TENM4: variants seen among roughly 807,000 people sequenced by gnomAD.
The protein encoded by TENM4 is teneurin-4.
Under a neutral mutation model 243.3 loss-of-function variants are expected in TENM4, and 82 were observed. The ratio of observed to expected loss-of-function variants is 0.34; its 90% CI spans 0.28 to 0.40. TENM4 has a LOEUF of 0.40. Ranked by LOEUF, TENM4 falls within the 10% of genes least tolerant of loss-of-function variation. TENM4 has a pLI of 1.00. For synonymous variants in TENM4, 1,412 were observed against 1,456.3 expected (o/e 0.97, Z 0.69); for missense variants, 3,138 against 3,673.3 (o/e 0.85, Z 3.77).
intron 1 of TENM4, among the ~76,000 whole-genome samples, chr11:79,383,992 C>T (rs1189706217): frequency 6.6e-6 from 1 of 152,116 alleles, no homozygotes; most frequent in African/African-American, 2.4e-5. Flanking sequence ...ATCAAGATAA[C>T]CTGCCCCCCC....
At chr11:78,825,444 C>T (rs1480031859) in intron 12 of TENM4, among the ~76,000 whole-genome samples, 1 of 152,128 alleles carries the variant, frequency 6.6e-6, no homozygotes, top group Non-Finnish European at 1.5e-5. Flanking sequence ...ATTGCTGGGC[C>T]CTACCCACCA....
At chr11:79,305,524 T>C (rs1017877833) in intron 1 of TENM4, among the ~76,000 whole-genome samples, 33 of 152,086 alleles carry the variant, frequency 2.2e-4, no homozygotes, top group African/African-American at 8.0e-4. Flanking sequence ...CAAGGGAGAC[T>C]CATGAGCACA....
intron 25 of TENM4, among the ~76,000 whole-genome samples, chr11:78,714,349 T>G (rs2135811854): frequency 6.6e-6 from 1 of 151,470 alleles, no homozygotes; most frequent in East Asian, 1.9e-4. Context: ...AAATGTCTCT[T>G]GCCTTGGACA....
At chr11:79,216,383 G>T (rs1195049740) in intron 2 of TENM4, among the ~76,000 whole-genome samples, 2 of 152,200 alleles carry the variant, frequency 1.3e-5, no homozygotes, top group African/African-American at 4.8e-5. Context: ...TAAGGTCTAG[G>T]GTTAGTGGCC....
chr11:79,012,471 T>C (rs1858671204), intron 6 of TENM4, among the ~76,000 whole-genome samples: 2 of 152,284 alleles, frequency 1.3e-5, no homozygotes, highest in Middle Eastern at 3.4e-3. Flanking sequence ...GTAATAACCC[T>C]GAGCCCAGGA....
intron 6 of TENM4, among the ~76,000 whole-genome samples, chr11:78,972,851 C>A (rs1857574916): frequency 6.6e-6 from 1 of 152,204 alleles, no homozygotes. Context: ...CAATTCCCTG[C>A]AGCCTAGGCA....
intron 15 of TENM4, among the ~76,000 whole-genome samples, chr11:78,788,945 C>G (rs536947062): frequency 3.3e-5 from 5 of 151,852 alleles, no homozygotes; most frequent in African/African-American, 1.2e-4. Flanking sequence ...TGAAAAGCAC[C>G]CCCTCCTCTG....
chr11:79,045,790 A>G (rs1859642166), intron 6 of TENM4, among the ~76,000 whole-genome samples: 1 of 151,694 alleles, frequency 6.6e-6, no homozygotes, highest in African/African-American at 2.4e-5. Context: ...GGGAAGAAAG[A>G]CTTCACCTTT....
intron 1 of TENM4, among the ~76,000 whole-genome samples, chr11:79,373,113 C>A (rs369770041): frequency 6.6e-6 from 1 of 152,054 alleles, no homozygotes; most frequent in South Asian, 2.1e-4. Context: ...GAAAAAGAAT[C>A]TTGTCTTTTT....
At chr11:79,114,696 A>G (rs1861582090) in intron 4 of TENM4, among the ~76,000 whole-genome samples, 1 of 152,164 alleles carries the variant, frequency 6.6e-6, no homozygotes, top group Non-Finnish European at 1.5e-5. Flanking sequence ...CCACATTTTT[A>G]TGTTACATAA....
At chr11:78,848,119 T>G (rs2511821) in intron 12 of TENM4, among the ~76,000 whole-genome samples, 1 of 151,166 alleles carries the variant, frequency 6.6e-6, no homozygotes, top group Non-Finnish European at 1.5e-5. Flanking sequence ...GAACAAGTCC[T>G]TTGTCCTTCC....
chr11:78,786,985 A>G lies in TENM4; in HGVS notation c.2278T>C (p.Cys760Arg). The G allele has an allele frequency of 6.3e-7, 1 of 1,581,736 alleles. No individual in the cohort carries two copies. The highest frequency in any genetic ancestry group is 8.6e-7 in the Non-Finnish European group (1 of 1,164,110). ...WMGAACDQRA[C>R]HPRCAEHGTC... ...CCATGCTCGGCACAGCGCGGGTGGC[A>G]GGCCCGCTGGTCGCAGGCTGCCCCC... Residue 760 changes from cysteine to arginine, a missense_variant, in exon 16 of 34, where the codon TGC becomes CGC. Cys to Arg is a radical substitution (Grantham distance 180). Around this residue, in one of 2 missense-constraint regions of TENM4, gnomAD observed 2,467 missense variants for 3,059.1 expected, o/e 0.81. Coordinates refer to ENST00000278550, the MANE Select transcript of TENM4 (RefSeq NM_001098816.3).
chr11:78,703,084 G>A (rs1365452535), intron 27 of TENM4, among the ~76,000 whole-genome samples: 2 of 152,156 alleles, frequency 1.3e-5, no homozygotes, highest in African/African-American at 4.8e-5. Flanking sequence ...TATCTGTGGC[G>A]ATTTTAGAAA....
chr11:78,862,122 TG>T lies in TENM4; in HGVS notation c.1255+839del, dbSNP rs1858836505. On this transcript the variant is annotated intron_variant, in intron 10 of 33. Coordinates refer to ENST00000278550, the MANE Select transcript of TENM4 (RefSeq NM_001098816.3). ...TTGATAGGAAATATCCATGTCTCATTGTACAATAGAATTTCACACCCACATC... is the reference window on the plus strand; with the variant it reads ...TTGATAGGAAATATCCATGTCTCATTTACAATAGAATTTCACACCCACATC... Among the ~76,000 whole-genome samples, 7 of 152,280 alleles carry T rather than the reference TG, an allele frequency of 4.6e-5. No homozygotes were observed. In the South Asian group the frequency reaches 1.5e-3, roughly 32 times the overall value.
intron 7 of TENM4, among the ~76,000 whole-genome samples, chr11:78,895,552 C>T (rs1477406746): frequency 6.6e-6 from 1 of 152,096 alleles, no homozygotes; most frequent in African/African-American, 2.4e-5. Flanking sequence ...CCCCTCAAAT[C>T]TCCTATCCAC....
At chr11:78,745,590 C>A (rs1360237623) in intron 19 of TENM4, among the ~76,000 whole-genome samples, 1 of 152,140 alleles carries the variant, frequency 6.6e-6, no homozygotes, top group East Asian at 1.9e-4. Context: ...TGTGCTGGTC[C>A]AGACATGTAA....
chr11:79,309,590 G>A (rs1462786633), intron 1 of TENM4, among the ~76,000 whole-genome samples: 1 of 152,226 alleles, frequency 6.6e-6, no homozygotes, highest in Non-Finnish European at 1.5e-5. Context: ...AACAGATGAA[G>A]AAGAAGCAGG....
chr11:79,078,133 C>T (rs539294439), intron 4 of TENM4, among the ~76,000 whole-genome samples: 2 of 152,168 alleles, frequency 1.3e-5, no homozygotes, highest in African/African-American at 4.8e-5. Context: ...CCAAAACCCG[C>T]AGGGAAATGG....
At chr11:78,934,997 CTTTTTTTTTT>C (rs530062569) in intron 6 of TENM4, among the ~76,000 whole-genome samples, 6 of 81,108 alleles carry the variant, frequency 7.4e-5, no homozygotes, top group East Asian at 5.0e-4. Flanking sequence ...AAGTATGCAA[CTTTTTTTTTT>C]TTTTTTTTTT....
Sources: allele counts gnomAD v4.1 joint callset (sites outside exome capture counted in the v4.1 genomes callset), GRCh38; gene constraint gnomAD v4.1.1; regional missense constraint gnomAD v4.1.1; transcripts MANE v1.5; gene names NCBI Gene and HGNC (gene_info 2026-07-23, HGNC 2026-07-21).